STX8: variants seen among roughly 807,000 people sequenced by gnomAD.
STX8 encodes syntaxin-8.
STX8 carries 23 observed loss-of-function variants against 37.5 expected under a neutral mutation model. That is an observed-to-expected ratio of 0.61 (90% CI 0.44 to 0.87). STX8 has a LOEUF of 0.87. Among genes scored for constraint, STX8 ranks in the 40% least tolerant of loss-of-function variants. The probability of loss-of-function intolerance (pLI) is 0.00; values close to 1 mark genes in which losing one functional copy is unlikely to be tolerated. For synonymous variants in STX8, 115 were observed against 99.1 expected, an observed-to-expected ratio of 1.16 and a Z score of -0.95; for missense variants, 313 against 284.7, an observed-to-expected ratio of 1.10 and a Z score of -0.71.
intron 7 of STX8, among the ~76,000 whole-genome samples, chr17:9,374,559 A>AT (rs1911520984): frequency 6.6e-6 from 1 of 152,192 alleles, no homozygotes. Context: ...TAGAGACCAC[A>AT]TGCTGACCTT....
intron 6 of STX8, among the ~76,000 whole-genome samples, chr17:9,463,833 G>A (rs1264202980): frequency 5.9e-5 from 9 of 152,032 alleles, no homozygotes; most frequent in African/African-American, 2.2e-4. Flanking sequence ...GCTTGAACCC[G>A]GGAGGCAGAG....
chr17:9,415,668 C>T (rs1341060513), intron 6 of STX8, among the ~76,000 whole-genome samples: 2 of 152,140 alleles, frequency 1.3e-5, no homozygotes, highest in East Asian at 3.9e-4. Flanking sequence ...ACTCAGGAGG[C>T]TGAGGCAAGA....
chr17:9,253,415 T>A (rs1456939513), intron 7 of STX8, among the ~76,000 whole-genome samples: 1 of 152,122 alleles, frequency 6.6e-6, no homozygotes, highest in Non-Finnish European at 1.5e-5. Context: ...AAAGCTCCCC[T>A]GGGCAGGAGC....
intron 6 of STX8, among the ~76,000 whole-genome samples, chr17:9,489,276 T>TA (rs1176577595): frequency 1.3e-5 from 2 of 151,582 alleles, no homozygotes; most frequent in African/African-American, 4.9e-5. Flanking sequence ...AAAATCAAAT[T>TA]AAAAAAAATG....
At chr17:9,371,551 C>T (rs1306376864) in intron 7 of STX8, among the ~76,000 whole-genome samples, 1 of 152,118 alleles carries the variant, frequency 6.6e-6, no homozygotes, top group Non-Finnish European at 1.5e-5. Context: ...GCCCCTCAAA[C>T]GCCTTTCTTA....
intron 4 of STX8, among the ~76,000 whole-genome samples, chr17:9,536,747 AT>A (rs140609634): frequency 9.6e-4 from 140 of 145,164 alleles, no homozygotes; most frequent in African/African-American, 1.0e-3. Flanking sequence ...GCTTATTATT[AT>A]TTTTTTTTTT....
intron 5 of STX8, 86 bp from the exon 6 acceptor site, chr17:9,492,007 T>C (rs1188071267): frequency 3.3e-6 from 3 of 898,756 alleles, no homozygotes; most frequent in East Asian, 2.5e-5. Flanking sequence ...ATAACACAAG[T>C]TGACATATAA....
At chr17:9,554,922 A>C (rs1454587890) in intron 3 of STX8, 1 of 152,474 alleles carries the variant, frequency 6.6e-6, no homozygotes, top group Admixed American at 6.6e-5. Flanking sequence ...AAAAAAAAAA[A>C]AAAGTTGGCC....
chr17:9,451,942 CAATTA>C (rs1217544046), intron 6 of STX8, among the ~76,000 whole-genome samples: 1 of 151,974 alleles, frequency 6.6e-6, no homozygotes, highest in African/African-American at 2.4e-5. Flanking sequence ...TCTCTTAATC[CAATTA>C]AATTACCTTG....
intron 7 of STX8, among the ~76,000 whole-genome samples, chr17:9,311,970 C>T (rs1245797964): frequency 6.6e-6 from 1 of 151,728 alleles, no homozygotes; most frequent in Non-Finnish European, 1.5e-5. Context: ...GCCTCAGCCT[C>T]CCGAGTAGCT....
Position 9,465,848 on chromosome 17 carries a change from C to A in STX8, c.541+25981G>T, listed in dbSNP as rs184706920. ...TAAGGTAGGTACAATCACCTCTGGTCTACATACAAGGGATGAGGTTTGAGA... is the reference window on the plus strand; with the variant it reads ...TAAGGTAGGTACAATCACCTCTGGTATACATACAAGGGATGAGGTTTGAGA... On this transcript the variant is annotated intron_variant, in intron 6 of 7. Transcript: ENST00000306357. Among the ~76,000 whole-genome samples, 672 of 152,270 alleles carry A rather than the reference C, an allele frequency of 4.4e-3. 7 individuals are homozygous for A. The highest frequency in any genetic ancestry group is 0.016 in the African/African-American group (646 of 41,548).
At chr17:9,447,369 T>C (rs1383343115) in intron 6 of STX8, among the ~76,000 whole-genome samples, 1 of 152,232 alleles carries the variant, frequency 6.6e-6, no homozygotes, top group Admixed American at 6.5e-5. Context: ...ATCAAGAACA[T>C]GTCTTTGCAT....
At chr17:9,551,223 G>C (rs1312377079) in intron 3 of STX8, among the ~76,000 whole-genome samples, 1 of 152,116 alleles carries the variant, frequency 6.6e-6, no homozygotes, top group Non-Finnish European at 1.5e-5. Context: ...GACTTTTCTG[G>C]CTTTCTTTTT....
At chr17:9,414,088 A>ACCTACCCATCTG in intron 6 of STX8, among the ~76,000 whole-genome samples, 1 of 63,814 alleles carries the variant, frequency 1.6e-5, no homozygotes, top group Admixed American at 2.0e-4. Context: ...CTGTCCATCC[A>ACCTACCCATCTG]TCCATCCATC....
rs150528072 is a variant in STX8 at position 9,541,088 on chromosome 17, C to T, written c.323+4084G>A. ...ATCCAAAAAAACCACCTGACACTAACCTGCCAAATTCCCTAAACATTCCCA... is the reference window on the plus strand; with the variant it reads ...ATCCAAAAAAACCACCTGACACTAATCTGCCAAATTCCCTAAACATTCCCA... On this transcript the variant is annotated intron_variant, in intron 4 of 7. Transcript: ENST00000306357. Among the ~76,000 whole-genome samples the T allele has an allele frequency of 5.2e-3, 788 of 152,334 alleles. 3 individuals are homozygous for T. Among genetic ancestry groups the T allele is most frequent in the Non-Finnish European group, 8.7e-3 (594 of 68,038 alleles).
At chr17:9,371,992 C>A (rs1911416836) in intron 7 of STX8, among the ~76,000 whole-genome samples, 1 of 152,042 alleles carries the variant, frequency 6.6e-6, no homozygotes, top group Non-Finnish European at 1.5e-5. Context: ...CTGGTCATTG[C>A]CCTTAGAAAT....
intron 6 of STX8, among the ~76,000 whole-genome samples, chr17:9,471,920 T>C (rs1905882233): frequency 6.6e-6 from 1 of 152,178 alleles, no homozygotes; most frequent in African/African-American, 2.4e-5. Flanking sequence ...TTCCCGCTAT[T>C]CACAGTAATT....
intron 7 of STX8, among the ~76,000 whole-genome samples, chr17:9,264,362 T>C (rs1452280611): frequency 6.6e-6 from 1 of 152,208 alleles, no homozygotes; most frequent in Non-Finnish European, 1.5e-5. Flanking sequence ...TGGAGTGCAG[T>C]GGCATGGTCA....
At chr17:9,440,750 C>G (rs1351037668) in intron 6 of STX8, among the ~76,000 whole-genome samples, 2 of 152,134 alleles carry the variant, frequency 1.3e-5, no homozygotes, top group Non-Finnish European at 2.9e-5. Context: ...GTCTCAAACT[C>G]CTGACCTAAG....
Sources: allele counts gnomAD v4.1 joint callset (sites outside exome capture counted in the v4.1 genomes callset), GRCh38; gene constraint gnomAD v4.1.1; transcripts MANE v1.5; gene names NCBI Gene and HGNC (gene_info 2026-07-23, HGNC 2026-07-21).